Variants in PDE3B observed in about 807,000 individuals in gnomAD.
PDE3B encodes phosphodiesterase 3B, also known as cGMP-inhibited 3',5'-cyclic phosphodiesterase 3B.
A neutral mutation model predicts 116.8 loss-of-function variants in PDE3B; 66 were observed. That is an observed-to-expected ratio of 0.56 (90% confidence interval 0.46 to 0.69). PDE3B has a LOEUF of 0.69. PDE3B is among the 30% of genes least tolerant of loss of function. The pLI, the probability that PDE3B is intolerant of heterozygous loss-of-function variation, is 0.00. For synonymous variants in PDE3B, 595 were observed against 533.6 expected (o/e 1.12, Z -1.59); for missense variants, 1,384 against 1,368.1 (o/e 1.01, Z -0.18).
chr11:14,747,054 C>T (rs922577410), intron 1 of PDE3B, among the ~76,000 whole-genome samples: 2 of 152,234 alleles, frequency 1.3e-5, no homozygotes, highest in Admixed American at 6.5e-5. Flanking sequence ...AAGGCAAAGG[C>T]GGAGGAGGTG....
the PDE3B span, among the ~76,000 whole-genome samples, chr11:14,890,122 C>T: frequency 9.2e-5 from 14 of 151,894 alleles, no homozygotes; most frequent in African/African-American, 3.4e-4. Context: ...GAGCAAGACT[C>T]GTCTCAAATA....
At chr11:14,892,490 G>A in the PDE3B span, among the ~76,000 whole-genome samples, 8 of 152,312 alleles carry the variant, frequency 5.3e-5, no homozygotes, top group African/African-American at 1.4e-4. Flanking sequence ...TTGACACAAG[G>A]GCATTGACGA....
intron 12 of PDE3B, among the ~76,000 whole-genome samples, chr11:14,852,549 T>C (rs1311004838): frequency 6.6e-6 from 1 of 152,258 alleles, no homozygotes; most frequent in African/African-American, 2.4e-5. Flanking sequence ...GAACATGATA[T>C]CAATAATCAC....
At chr11:14,773,485 A>G (rs1857701363) in intron 2 of PDE3B, 1 of 152,160 alleles carries the variant, frequency 6.6e-6, no homozygotes, top group Non-Finnish European at 1.5e-5. Context: ...ATATCAAGAT[A>G]AAATAAGGTG....
intron 2 of PDE3B, among the ~76,000 whole-genome samples, chr11:14,778,893 C>T (rs568654254): frequency 2.0e-5 from 3 of 152,178 alleles, no homozygotes; most frequent in South Asian, 2.1e-4. Context: ...GGAGAATGTT[C>T]GAACCCATCG....
chr11:14,890,046 G>A, the PDE3B span, among the ~76,000 whole-genome samples: 2 of 152,044 alleles, frequency 1.3e-5, no homozygotes, highest in South Asian at 2.1e-4. Context: ...GGAGAATGGC[G>A]TGAACTCGGG....
At chr11:14,724,884 T>A (rs1306690532) in intron 1 of PDE3B, among the ~76,000 whole-genome samples, 2 of 152,194 alleles carry the variant, frequency 1.3e-5, no homozygotes, top group South Asian at 4.1e-4. Context: ...CAACAGATAT[T>A]TATCAAGTGC....
At chr11:14,725,960 C>G (rs1484864407) in intron 1 of PDE3B, among the ~76,000 whole-genome samples, 4 of 152,078 alleles carry the variant, frequency 2.6e-5, no homozygotes, top group African/African-American at 9.7e-5. Context: ...GATCTAGTCA[C>G]TTTTTTGACT....
At chr11:14,781,457 C>A (rs1195928524) in intron 2 of PDE3B, among the ~76,000 whole-genome samples, 1 of 152,180 alleles carries the variant, frequency 6.6e-6, no homozygotes, top group Non-Finnish European at 1.5e-5. Flanking sequence ...AAAAGCTTAT[C>A]CACCATGATC....
chr11:14,644,696 G>T lies in PDE3B; in HGVS notation c.621G>T (p.Leu207=). The stretch of plus-strand genomic sequence containing the variant: ...TGGTGCTGAGCTGCGTAGGGCTGCT[G>T]CTGACGCTCGCGCACCCGCTGCGGC... ...LLLVLSCVGL[L]LTLAHPLRLR... is the part of the protein sequence containing the mutation. The change falls in exon 1 of 16, where the codon CTG becomes CTT. Residue 207 remains leucine (L), a synonymous_variant. Transcript: ENST00000282096. 6.6e-7 allele frequency: 1 copy of T among 1,517,308 alleles called. No homozygotes were observed. The highest frequency in any genetic ancestry group is 8.8e-7 in the Non-Finnish European group (1 of 1,135,100). 94.0% of individuals were successfully genotyped at this position (1,517,308 alleles called of 1,614,324 possible).
rs559089201 is a variant in PDE3B, at chr11:14,851,498, G to C, written c.2520+7472G>C. ...ACTATGAATATGTATATGTGTAAAT[G>C]GGTATAATGGGGTGTGTGTGTGTGT... On this transcript the variant is annotated intron_variant, in intron 12 of 15. Transcript: ENST00000282096. 1.8e-3 allele frequency among the ~76,000 whole-genome samples: 218 copies of C among 124,066 alleles called. 1 individual carries two copies. Among genetic ancestry groups the C allele is most frequent in the African/African-American group, 7.0e-3 (202 of 29,004 alleles). The allele number at this position is 124,066 out of a possible 152,430, so 81.4% of individuals were successfully genotyped here.
chr11:14,770,378 T>A (rs1857605581), intron 1 of PDE3B, among the ~76,000 whole-genome samples: 1 of 151,502 alleles, frequency 6.6e-6, no homozygotes, highest in Non-Finnish European at 1.5e-5. Context: ...AGTAAAGTAT[T>A]GCAGTTGGGT....
intron 2 of PDE3B, among the ~76,000 whole-genome samples, chr11:14,785,105 T>C (rs1232450865): frequency 1.3e-5 from 2 of 152,110 alleles, no homozygotes; most frequent in Non-Finnish European, 2.9e-5. Flanking sequence ...GAAAAATAGG[T>C]GCTGTTATAT....
At chr11:14,806,731 C>T (rs1190111514) in intron 5 of PDE3B, among the ~76,000 whole-genome samples, 7 of 149,404 alleles carry the variant, frequency 4.7e-5, no homozygotes, top group East Asian at 2.0e-4. Flanking sequence ...TAGTGGCGGG[C>T]GCCTGTAGTC....
At chr11:14,792,154 C>T (rs1240792220) in intron 4 of PDE3B, among the ~76,000 whole-genome samples, 1 of 152,016 alleles carries the variant, frequency 6.6e-6, no homozygotes, top group Non-Finnish European at 1.5e-5. Context: ...CAATTATTAC[C>T]TCATGACAGA....
intron 1 of PDE3B, among the ~76,000 whole-genome samples, chr11:14,665,385 C>T (rs1854100941): frequency 6.6e-6 from 1 of 152,176 alleles, no homozygotes; most frequent in African/African-American, 2.4e-5. Context: ...TCTCACCACT[C>T]CTATTCCACA....
At chr11:14,722,291 C>T (rs1856138421) in intron 1 of PDE3B, among the ~76,000 whole-genome samples, 1 of 151,458 alleles carries the variant, frequency 6.6e-6, no homozygotes, top group African/African-American at 2.4e-5. Flanking sequence ...GCACATGTAC[C>T]TTAAAACTTA....
chr11:14,755,000 A>G (rs1857147803), intron 1 of PDE3B, among the ~76,000 whole-genome samples: 1 of 152,196 alleles, frequency 6.6e-6, no homozygotes, highest in Non-Finnish European at 1.5e-5. Flanking sequence ...TTTCTGAATG[A>G]GAAGAACCAC....
At chr11:14,844,153 A>G (rs944831315) in intron 12 of PDE3B, 127 bp downstream of exon 12, 3 of 661,940 alleles carry the variant, frequency 4.5e-6, no homozygotes, top group Non-Finnish European at 7.9e-6. Flanking sequence ...CCTACATTTT[A>G]ATTAATTGGA....
Sources: gnomAD v4.1 joint callset for allele counts (sites outside exome capture counted in the v4.1 genomes callset) on GRCh38, gnomAD v4.1.1 for gene constraint, MANE v1.5 for transcripts, NCBI Gene and HGNC (gene_info 2026-07-23, HGNC 2026-07-21) for gene names.